Variants in DLC1 observed in about 807,000 individuals in gnomAD.
The protein encoded by DLC1 is DLC1 Rho GTPase activating protein, also known as rho GTPase-activating protein 7.
Under a neutral mutation model 140.3 loss-of-function variants are expected in DLC1, and 54 were observed. The observed-to-expected ratio is 0.38, with a 90% CI of 0.31 to 0.48. The LOEUF (loss-of-function observed/expected upper bound fraction) is 0.48, where lower values mean the gene tolerates loss of function less well. Among genes scored for constraint, DLC1 ranks in the 20% least tolerant of loss-of-function variants. The pLI is 0.96. For synonymous variants in DLC1, 986 were observed against 728.1 expected (o/e 1.35, Z -5.70); for missense variants, 2,536 against 1,907.0 (o/e 1.33, Z -6.14).
chr8:13,442,562 C>T (rs1457282032), intron 2 of DLC1, among the ~76,000 whole-genome samples: 1 of 152,168 alleles, frequency 6.6e-6, no homozygotes, highest in African/African-American at 2.4e-5. Context: ...ACAGACACTT[C>T]TCAAAAGAAG....
intron 1 of DLC1, among the ~76,000 whole-genome samples, chr8:13,520,045 C>T (rs1802715912): frequency 6.6e-6 from 1 of 152,176 alleles, no homozygotes; most frequent in Admixed American, 6.5e-5. Flanking sequence ...TTAGTTCAAT[C>T]ATTATGTAAG....
intron 1 of DLC1, among the ~76,000 whole-genome samples, chr8:13,604,312 A>C (rs1304134175): frequency 6.6e-6 from 1 of 152,192 alleles, no homozygotes; most frequent in Non-Finnish European, 1.5e-5. Flanking sequence ...TTTTTGGATG[A>C]ATATAGTTTC....
intron 2 of DLC1, among the ~76,000 whole-genome samples, chr8:13,491,879 C>T (rs548842539): frequency 2.0e-5 from 3 of 152,264 alleles, no homozygotes; most frequent in Admixed American, 2.0e-4. Flanking sequence ...AAATATCTTA[C>T]CACAACGAAG....
At chr8:13,211,032 AC>A (rs1456296276) in intron 5 of DLC1, among the ~76,000 whole-genome samples, 1 of 152,130 alleles carries the variant, frequency 6.6e-6, no homozygotes, top group Admixed American at 6.6e-5. Flanking sequence ...TGTTTTCAAG[AC>A]CCTCCTGATC....
intron 5 of DLC1, among the ~76,000 whole-genome samples, chr8:13,297,287 A>AAAAAAAAAAAAAAAAACAAAACAAAAC (rs1160453360): frequency 3.6e-5 from 5 of 139,900 alleles, no homozygotes; most frequent in African/African-American, 1.1e-4. Context: ...TACATTAAAA[A>AAAAAAAAAAAAAAAAACAAAACAAAAC]AAAAAAAAAC....
At chr8:13,387,281 G>T (rs1257215979) in intron 4 of DLC1, among the ~76,000 whole-genome samples, 1 of 151,926 alleles carries the variant, frequency 6.6e-6, no homozygotes, top group African/African-American at 2.4e-5. Context: ...ACTTGTAAAA[G>T]ACAGTACTTT....
chr8:13,416,991 G>T (rs1838096104), intron 2 of DLC1, among the ~76,000 whole-genome samples: 1 of 152,052 alleles, frequency 6.6e-6, no homozygotes. Flanking sequence ...GAATATGATT[G>T]ATTTCAAATC....
intron 5 of DLC1, among the ~76,000 whole-genome samples, chr8:13,140,515 A>T (rs1232016221): frequency 6.7e-6 from 1 of 149,118 alleles, no homozygotes; most frequent in African/African-American, 2.5e-5. Context: ...TTACAGGTTG[A>T]GCCACAGTGC....
chr8:13,210,039 T>C (rs955891066), intron 5 of DLC1, among the ~76,000 whole-genome samples: 3 of 152,088 alleles, frequency 2.0e-5, no homozygotes, highest in African/African-American at 7.2e-5. Context: ...GTTGCTAAAT[T>C]TTGGTGTTTG....
intron 1 of DLC1, among the ~76,000 whole-genome samples, chr8:13,599,215 T>A (rs1341741513): frequency 6.6e-6 from 1 of 151,886 alleles, no homozygotes; most frequent in Non-Finnish European, 1.5e-5. Context: ...GATTTTGGAA[T>A]TTATAAAGCA....
At chr8:13,348,654 G>T (rs1378254) in intron 4 of DLC1, among the ~76,000 whole-genome samples, 134,739 of 152,138 alleles carry the variant, frequency 0.89, 60,218 homozygotes, top group East Asian at 0.98. Flanking sequence ...AATCACAGAA[G>T]AAGCAGATTC....
rs1563590388 is a variant in DLC1, at chr8:13,099,505, CG to C, written c.2831del (p.Pro944ArgfsTer28). On this transcript the variant is annotated frameshift_variant, in exon 9 of 18. Coordinates refer to ENST00000276297, the MANE Select transcript of DLC1 (RefSeq NM_182643.3). LOFTEE classifies it high-confidence loss of function. ...DSALDSVSPC[P>X]SSPKQIHLDV... is the part of the protein sequence containing the mutation. ...CCAGGTGTATCTGTTTTGGAGAGGA[CG>C]GGCAGGGAGAGACCGAGTCCAGGGC... 6.2e-7 allele frequency: 1 copy of C among 1,614,144 alleles called. No homozygotes were observed. Among genetic ancestry groups the C allele is most frequent in the Non-Finnish European group, 8.5e-7 (1 of 1,180,028 alleles).
At chr8:13,417,818 G>T (rs1838142011) in intron 2 of DLC1, among the ~76,000 whole-genome samples, 1 of 151,962 alleles carries the variant, frequency 6.6e-6, no homozygotes, top group African/African-American at 2.4e-5. Context: ...CTAGTTTACA[G>T]TCCCACCAAC....
chr8:13,384,601 G>A (rs576010204), intron 4 of DLC1, among the ~76,000 whole-genome samples: 1 of 134,410 alleles, frequency 7.4e-6, no homozygotes, highest in African/African-American at 2.7e-5. Context: ...ATCCACAGAA[G>A]AAAAAATGTA....
At chr8:13,465,054 A>G (rs539281548) in intron 2 of DLC1, among the ~76,000 whole-genome samples, 2 of 152,154 alleles carry the variant, frequency 1.3e-5, no homozygotes, top group Admixed American at 1.3e-4. Context: ...ACTTTACAAA[A>G]TTCTAGTGTT....
intron 2 of DLC1, among the ~76,000 whole-genome samples, chr8:13,418,612 C>T (rs4332137): frequency 0.19 from 28,525 of 152,100 alleles, 3,187 homozygotes; most frequent in East Asian, 0.46. Flanking sequence ...GTTTTGGTTA[C>T]TGTAGGCTTG....
At chr8:13,556,053 A>C (rs944337587) in intron 1 of DLC1, among the ~76,000 whole-genome samples, 1 of 152,108 alleles carries the variant, frequency 6.6e-6, no homozygotes. Context: ...GAGAAAGAAA[A>C]TGGCCAGGAG....
At chr8:13,483,848 G>C (rs145628510) in intron 2 of DLC1, among the ~76,000 whole-genome samples, 40 of 152,244 alleles carry the variant, frequency 2.6e-4, no homozygotes, top group African/African-American at 9.1e-4. Flanking sequence ...TTGGGAGGCC[G>C]AGGCTGCTGG....
At chr8:13,167,493 G>A (rs1423528117) in intron 5 of DLC1, among the ~76,000 whole-genome samples, 2 of 152,062 alleles carry the variant, frequency 1.3e-5, no homozygotes, top group Non-Finnish European at 2.9e-5. Context: ...CTTCTCAGTG[G>A]GGAAACCTCG....
Sources: allele counts gnomAD v4.1 joint callset (sites outside exome capture counted in the v4.1 genomes callset), GRCh38; gene constraint gnomAD v4.1.1; transcripts MANE v1.5; gene names NCBI Gene and HGNC (gene_info 2026-07-23, HGNC 2026-07-21).